SUMF1: variants seen among roughly 807,000 people sequenced by gnomAD.
SUMF1 encodes the protein sulfatase modifying factor 1.
Under a neutral mutation model 47.6 loss-of-function variants are expected in SUMF1, and 48 were observed. The ratio of observed to expected loss-of-function variants is 1.01; its 90% CI spans 0.80 to 1.28. The LOEUF is 1.28. SUMF1 is among the 50% of genes most tolerant of loss of function. The pLI, the probability that SUMF1 is intolerant of heterozygous loss-of-function variation, is 0.00. For missense variants in SUMF1, 571 were observed against 485.4 expected (o/e 1.18, Z -1.66); for synonymous variants, 230 against 192.1 (o/e 1.20, Z -1.63).
At chr3:4,079,907 T>C (rs143398955) in intron 8 of SUMF1, among the ~76,000 whole-genome samples, 1 of 151,620 alleles carries the variant, frequency 6.6e-6, no homozygotes, top group African/African-American at 2.4e-5. Flanking sequence ...CCTTCAAAAC[T>C]AAAGGCACTC....
chr3:4,074,140 T>C (rs1397885585), intron 8 of SUMF1, among the ~76,000 whole-genome samples: 1 of 151,764 alleles, frequency 6.6e-6, no homozygotes, highest in Non-Finnish European at 1.5e-5. Context: ...ACAAACAGTC[T>C]CTCAGACCAC....
rs182588138 is a variant in SUMF1, at chr3:4,073,789, C to T, written c.1015-5044G>A. ...GGATCAATTCAACAAGAAGAGCTAA[C>T]TATCCTAAATATACATGCACCCAAT... On this transcript the variant is annotated intron_variant and NMD_transcript_variant, in intron 8 of 12. Coordinates refer to the SUMF1 transcript ENST00000448413. 2.6e-3 allele frequency among the ~76,000 whole-genome samples: 393 copies of T among 152,276 alleles called. 2 individuals are homozygous for T. The highest frequency in any genetic ancestry group is 0.014 in the Middle Eastern group (4 of 294).
chr3:4,084,140 G>C (rs973134762), intron 8 of SUMF1, among the ~76,000 whole-genome samples: 1 of 152,054 alleles, frequency 6.6e-6, no homozygotes, highest in Admixed American at 6.6e-5. Context: ...AATTCCTTTG[G>C]AAGTCATTAA....
chr3:4,274,031 C>G (rs1172063748), intron 8 of SUMF1, among the ~76,000 whole-genome samples: 1 of 151,814 alleles, frequency 6.6e-6, no homozygotes, highest in African/African-American at 2.4e-5. Flanking sequence ...GGGGAAAACT[C>G]AATATAAACA....
chr3:4,095,674 T>C (rs986055521), intron 8 of SUMF1, among the ~76,000 whole-genome samples: 2 of 152,086 alleles, frequency 1.3e-5, no homozygotes, highest in African/African-American at 4.8e-5. Context: ...CAAATTCATA[T>C]TCCTGACTGC....
At chr3:4,085,271 T>C (rs566786456) in intron 8 of SUMF1, among the ~76,000 whole-genome samples, 1 of 152,132 alleles carries the variant, frequency 6.6e-6, no homozygotes, top group African/African-American at 2.4e-5. Context: ...TTGGGTGCTC[T>C]GTGAGTCCCC....
chr3:4,189,322 C>A (rs919144200), intron 8 of SUMF1, among the ~76,000 whole-genome samples: 2 of 152,150 alleles, frequency 1.3e-5, no homozygotes, highest in Non-Finnish European at 2.9e-5. Context: ...AGTGGTCCAA[C>A]TCAAGGCTAA....
intron 8 of SUMF1, among the ~76,000 whole-genome samples, chr3:4,336,427 T>C (rs747172574): frequency 6.6e-6 from 1 of 152,202 alleles, no homozygotes; most frequent in Non-Finnish European, 1.5e-5. Context: ...AAAGTAAGCA[T>C]GTGAAAAGAG....
chr3:4,180,559 G>A (rs1394652180), intron 8 of SUMF1, among the ~76,000 whole-genome samples: 2 of 152,000 alleles, frequency 1.3e-5, no homozygotes, highest in African/African-American at 4.8e-5. Context: ...GGGGGGCTGG[G>A]GGAGGGATAG....
Position 4,119,230 on chromosome 3 carries a change from A to G in SUMF1, c.1015-50485T>C, listed in dbSNP as rs1485274844. ...GTCACTACCTTATCTTAGGCTTATC[A>G]TTTATCTTCAGATGCTATTCTCTTC... On this transcript the variant is annotated intron_variant and NMD_transcript_variant, in intron 8 of 12. Transcript: ENST00000448413. 5.3e-5 allele frequency among the ~76,000 whole-genome samples: 8 copies of G among 152,022 alleles called. No individual in the cohort carries two copies. The East Asian group carries it at 1.5e-3, about 29-fold the overall frequency.
At chr3:4,104,343 T>G (rs529376748) in intron 8 of SUMF1, among the ~76,000 whole-genome samples, 1 of 152,070 alleles carries the variant, frequency 6.6e-6, no homozygotes, top group African/African-American at 2.4e-5. Context: ...GTGAGTCCAT[T>G]AGACCTCTTT....
chr3:4,410,564 A>G (rs1701506882), intron 7 of SUMF1, among the ~76,000 whole-genome samples: 1 of 152,236 alleles, frequency 6.6e-6, no homozygotes. Flanking sequence ...AGTTATTTAT[A>G]TATCATGCAT....
At chr3:4,324,199 C>T (rs1420646331) in intron 8 of SUMF1, among the ~76,000 whole-genome samples, 2 of 151,960 alleles carry the variant, frequency 1.3e-5, no homozygotes, top group Admixed American at 1.3e-4. Flanking sequence ...CAGAGTGACG[C>T]TTTCTCAAAT....
intron 8 of SUMF1, among the ~76,000 whole-genome samples, chr3:4,320,639 A>G (rs1375921982): frequency 6.6e-6 from 1 of 152,208 alleles, no homozygotes; most frequent in Non-Finnish European, 1.5e-5. Context: ...AAAGTCTCTC[A>G]GGTCATAAAA....
At chr3:4,446,433 TG>T (rs1187000741) in intron 3 of SUMF1, among the ~76,000 whole-genome samples, 1 of 152,250 alleles carries the variant, frequency 6.6e-6, no homozygotes, top group Non-Finnish European at 1.5e-5. Flanking sequence ...CATGTGGAAC[TG>T]TGAGTCCATT....
chr3:4,247,486 A>G (rs1463061780), intron 8 of SUMF1, among the ~76,000 whole-genome samples: 2 of 152,240 alleles, frequency 1.3e-5, no homozygotes, highest in Non-Finnish European at 1.5e-5. Context: ...TATTCTCTGC[A>G]TGAATCATTC....
chr3:4,164,838 A>T (rs1465637689), intron 8 of SUMF1, among the ~76,000 whole-genome samples: 2 of 152,044 alleles, frequency 1.3e-5, no homozygotes, highest in Non-Finnish European at 2.9e-5. Context: ...GGATAAATTG[A>T]CCCTTGAGTG....
intron 3 of SUMF1, among the ~76,000 whole-genome samples, chr3:4,424,372 C>T (rs73125453): frequency 2.0e-5 from 3 of 152,226 alleles, no homozygotes; most frequent in African/African-American, 7.2e-5. Context: ...ACTTACTTAA[C>T]GTCATGGAGC....
chr3:4,138,234 G>C (rs924061842), intron 8 of SUMF1, among the ~76,000 whole-genome samples: 1 of 152,098 alleles, frequency 6.6e-6, no homozygotes, highest in Non-Finnish European at 1.5e-5. Context: ...GTGATCTACA[G>C]TTTCAACATA....
Sources: gnomAD v4.1 joint callset for allele counts (sites outside exome capture counted in the v4.1 genomes callset) on GRCh38, gnomAD v4.1.1 for gene constraint, MANE v1.5 for transcripts, NCBI Gene and HGNC (gene_info 2026-07-23, HGNC 2026-07-21) for gene names.